Variants in RYR1 observed in about 807,000 individuals in gnomAD.
RYR1 encodes ryanodine receptor 1, also known as central core disease of muscle.
In RYR1, 342 loss-of-function variants were observed where a neutral mutation model predicts 583.5. The ratio of observed to expected loss-of-function variants is 0.59; its 90% confidence interval spans 0.54 to 0.64. RYR1 has a LOEUF of 0.64. RYR1 is among the 30% of genes least tolerant of loss of function. The pLI is 0.00. For missense variants in RYR1, 6,032 were observed against 6,917.2 expected, an observed-to-expected ratio of 0.87 and a Z score of 4.54; for synonymous variants, 2,791 against 2,822.5, an observed-to-expected ratio of 0.99 and a Z score of 0.35.
intron 90 of RYR1, among the ~76,000 whole-genome samples, chr19:38,564,066 G>C (rs909863750): frequency 1.3e-5 from 2 of 152,172 alleles, no homozygotes; most frequent in Non-Finnish European, 2.9e-5. Context: ...TCTCTCTATA[G>C]GTTTGCTATT....
Position 38,515,029 on chromosome 19 carries a change from A to G in RYR1, c.9476A>G (p.Asp3159Gly), listed in dbSNP as rs879074444. 6.2e-7 allele frequency: 1 copy of G among 1,612,126 alleles called. No individual in the cohort carries two copies. The highest frequency in any genetic ancestry group is 8.5e-7 in the Non-Finnish European group (1 of 1,179,012). The part of the protein sequence containing the change: ...QHQFGDDVIL[D>G]DVQVSCYRTL... ...CCTCGCCCCCTGTCTCCCTCAGTGG[A>G]CGACGTCCAGGTCTCTTGCTACCGA... is the stretch of plus-strand genomic sequence containing the variant. Residue 3159 changes from aspartate to glycine, a missense_variant, in exon 64 of 106, where the codon GAC becomes GGC. Asp to Gly is a moderately conservative substitution (Grantham distance 94, BLOSUM62 -1). This residue lies in a region of RYR1 where 1,493 missense variants were observed against 1,715.5 expected (regional missense o/e 0.87). Coordinates refer to ENST00000359596, the MANE Select transcript of RYR1 (RefSeq NM_000540.3).
At position 38,499,276 on chromosome 19, in the gene RYR1, G is replaced by A. The variant is rs780092462; in HGVS notation, c.7027+33G>A. ...GGGGGTGGCAGTGGCAGAGCGGGAA[G>A]TATGGAGTCACTGGTCACACACCTC... On this transcript the variant is annotated intron_variant, in intron 43 of 105. Transcript: ENST00000359596. This position sits in a 1 kb window ranked among gnomAD's most constrained non-coding sequence, Gnocchi z 7.3. The A allele has an allele frequency of 1.9e-6, 3 of 1,614,066 alleles. No individual in the cohort carries two copies. The South Asian group carries it at 3.3e-5, about 18-fold the overall frequency.
At chr19:38,534,317 G>A (rs1039821752) in intron 78 of RYR1, among the ~76,000 whole-genome samples, 1 of 152,102 alleles carries the variant, frequency 6.6e-6, no homozygotes, top group Non-Finnish European at 1.5e-5. Context: ...AGCCACATCT[G>A]TGATTTTTAT....
At chr19:38,566,526 C>T (rs1187856142) in intron 91 of RYR1, among the ~76,000 whole-genome samples, 3 of 150,140 alleles carry the variant, frequency 2.0e-5, no homozygotes, top group African/African-American at 7.4e-5. Flanking sequence ...GGGTCAGGGC[C>T]ACTAGGAAAA....
At chr19:38,488,542 T>C (rs1379074375) in intron 34 of RYR1, among the ~76,000 whole-genome samples, 2 of 152,176 alleles carry the variant, frequency 1.3e-5, no homozygotes, top group East Asian at 1.9e-4. Context: ...CCGTCTGTCA[T>C]GCAGGCTGGA....
intron 57 of RYR1, 142 bp from the exon 58 acceptor site, chr19:38,507,570 G>T (rs1970529161): frequency 1.4e-6 from 1 of 710,982 alleles, no homozygotes. Context: ...TGGGGCATGG[G>T]GGACTCAGAG....
intron 49 of RYR1, 23 bp downstream of exon 49, chr19:38,502,993 A>G: frequency 6.2e-7 from 1 of 1,604,482 alleles, no homozygotes. Context: ...GCTCTTTAGC[A>G]TCTCATTTCC....
chr19:38,445,999 AAAC>A (rs1972923188), intron 7 of RYR1, among the ~76,000 whole-genome samples: 1 of 152,054 alleles, frequency 6.6e-6, no homozygotes, highest in African/African-American at 2.4e-5. Flanking sequence ...AAACAAAACT[AAAC>A]AAAACGAAAC....
At chr19:38,481,557 G>C (rs1178494546) in intron 31 of RYR1, among the ~76,000 whole-genome samples, 1 of 152,030 alleles carries the variant, frequency 6.6e-6, no homozygotes, top group Non-Finnish European at 1.5e-5. Context: ...TTTGTTGAAG[G>C]AACCAGGCTA....
At chr19:38,541,624 G>GTGGATCAC (rs1193360687) in intron 84 of RYR1, among the ~76,000 whole-genome samples, 2 of 151,488 alleles carry the variant, frequency 1.3e-5, no homozygotes. Context: ...GCTGAGGCAG[G>GTGGATCAC]AGAATTGCTT....
Position 38,500,879 on chromosome 19 carries a change from C to T in RYR1, c.7503C>T (p.Ser2501=), listed in dbSNP as rs1386491802. 2 of 1,614,162 alleles carry T rather than the reference C, an allele frequency of 1.2e-6. No homozygotes were observed. Among genetic ancestry groups the T allele is most frequent in the African/African-American group, 1.3e-5 (1 of 75,058 alleles). Residue 2501 remains serine, a synonymous_variant, in exon 47 of 106, where the codon TCC becomes TCT. Transcript: ENST00000359596. The surrounding 1 kb of genome is among the most constrained non-coding windows in gnomAD (Gnocchi z 5.9). ...CCTTCGTGCCGGACCACAAGGCGTCCATGGTGCTCTTCCTGGACCGTGTGT... is the reference window on the plus strand; with the variant it reads ...CCTTCGTGCCGGACCACAAGGCGTCTATGGTGCTCTTCCTGGACCGTGTGT... ...SASFVPDHKA[S]MVLFLDRVYG...
intron 30 of RYR1, among the ~76,000 whole-genome samples, chr19:38,478,176 TCTC>T (rs1417050434): frequency 1.3e-5 from 2 of 151,916 alleles, no homozygotes; most frequent in Non-Finnish European, 2.9e-5. Context: ...TCTCATTCTC[TCTC>T]CTCCTGCTTC....
Position 38,561,285 on chromosome 19 carries a change from A to G in RYR1, c.12455A>G (p.His4152Arg). The G allele has an allele frequency of 1.2e-6, 2 of 1,614,060 alleles. No individual in the cohort carries two copies. Among genetic ancestry groups the G allele is most frequent in the Non-Finnish European group, 1.7e-6 (2 of 1,180,040 alleles). Residue 4152 changes from histidine to arginine, a missense_variant, in exon 90 of 106, where the codon CAT becomes CGT. Physicochemically the swap from His to Arg is conservative, Grantham distance 29 (BLOSUM62 0). Transcript: ENST00000359596. This position sits in a 1 kb window ranked among gnomAD's most constrained non-coding sequence, Gnocchi z 4.8. ...GTGCTGCTGACCAACCTGTCGGAGC[A>G]TGTGCCGCATGACCCTCGCCTGCAC... ...VAVLLTNLSE[H>R]VPHDPRLHNF... is the part of the protein sequence containing the mutation.
Position 38,499,587 on chromosome 19 carries a change from T to C in RYR1, c.7028-48T>C. The C allele has an allele frequency of 6.3e-7, 1 of 1,587,958 alleles. No individual in the cohort carries two copies. The highest frequency in any genetic ancestry group is 1.1e-5 in the South Asian group (1 of 89,996). On this transcript the variant is annotated intron_variant, in intron 43 of 105. Coordinates refer to ENST00000359596, the MANE Select transcript of RYR1 (RefSeq NM_000540.3). This position sits in a 1 kb window ranked among gnomAD's most constrained non-coding sequence, Gnocchi z 7.3. ...TGGGTCCTGGGGCTGCATGGGGAGG[T>C]CTCTGATGGTGGCTCATGAGACCCC...
At chr19:38,548,680 C>A (rs181122082) in intron 89 of RYR1, among the ~76,000 whole-genome samples, 49 of 152,306 alleles carry the variant, frequency 3.2e-4, no homozygotes, top group African/African-American at 1.1e-3. Flanking sequence ...CTGGCTTAAG[C>A]AATCCTCCCA....
intron 84 of RYR1, among the ~76,000 whole-genome samples, chr19:38,540,355 A>G (rs956533674): frequency 6.7e-6 from 1 of 149,908 alleles, no homozygotes; most frequent in Non-Finnish European, 1.5e-5. Context: ...TAAACCTCCA[A>G]TCATATACTA....
rs1266926364 is a variant in RYR1, at chr19:38,448,521, G to T, written c.957+10G>T. The T allele has an allele frequency of 6.2e-7, 1 of 1,612,150 alleles. No individual in the cohort carries two copies. The highest frequency in any genetic ancestry group is 8.5e-7 in the Non-Finnish European group (1 of 1,178,330). ...CTTCCGCATCTCCAAGGTCAGTGGGGTTTGTGGCGCCCTCCCTCACCTGAA... is the reference window on the plus strand; with the variant it reads ...CTTCCGCATCTCCAAGGTCAGTGGGTTTTGTGGCGCCCTCCCTCACCTGAA... On this transcript the variant is annotated intron_variant, in intron 10 of 105. Transcript: ENST00000359596.
chr19:38,567,718 AC>A, intron 92 of RYR1, 54 bp from the exon 93 acceptor site: 1 of 1,613,116 alleles, frequency 6.2e-7, no homozygotes. Flanking sequence ...GAATGAATGA[AC>A]TCATGCATTG....
intron 76 of RYR1, among the ~76,000 whole-genome samples, chr19:38,529,852 G>A (rs1293346120): frequency 2.0e-5 from 3 of 152,252 alleles, no homozygotes; most frequent in East Asian, 1.9e-4. Context: ...TATGTGTCAG[G>A]CACCAAGCTA....
Sources: gnomAD v4.1 joint callset for allele counts (sites outside exome capture counted in the v4.1 genomes callset) on GRCh38, gnomAD v4.1.1 for gene constraint, gnomAD v4.1.1 regional missense constraint, Gnocchi (gnomAD v3.1) non-coding constraint, MANE v1.5 for transcripts, NCBI Gene and HGNC (gene_info 2026-07-23, HGNC 2026-07-21) for gene names.